The following TEX11 variants were observed in gnomAD, a reference collection of about 807,000 sequenced individuals.
The protein encoded by TEX11 is testis expressed 11.
In TEX11, 7 loss-of-function variants were observed where a neutral mutation model predicts 84.4. That is an observed-to-expected ratio of 0.08 (90% CI 0.05 to 0.16). TEX11 has a LOEUF of 0.16. TEX11 is among the 10% of genes least tolerant of loss of function. The pLI is 1.00. For missense variants in TEX11, 551 were observed against 660.5 expected, an observed-to-expected ratio of 0.83 and a Z score of 1.82; for synonymous variants, 264 against 222.8, an observed-to-expected ratio of 1.18 and a Z score of -1.64.
intron 7 of TEX11, 64 bp downstream of exon 7, chrX:70,852,970 A>T: frequency 9.0e-7 from 1 of 1,108,423 alleles, no homozygotes. Context: ...GCTATATATC[A>T]TCACTTTTAC....
At position 70,804,971 on chromosome X, in the gene TEX11, CTTTT is replaced by C. The variant is rs748863855; in HGVS notation, c.692+1730_692+1733del. 6.3e-3 allele frequency among the ~76,000 whole-genome samples: 428 copies of C among 68,190 alleles called. 2 individuals are homozygous for C. Among genetic ancestry groups the C allele is most frequent in the African/African-American group, 0.028 (407 of 14,608 alleles). The allele number at this position is 68,190 out of a possible 115,157, so 59.2% of individuals were successfully genotyped here. ...AGAAGCCATCCATGGCACCAGCATCCTTTTTTTTTTTTTTTTTTTTTTTGGATCT... is the reference window on the plus strand; with the variant it reads ...AGAAGCCATCCATGGCACCAGCATCCTTTTTTTTTTTTTTTTTTTGGATCT... On this transcript the variant is annotated intron_variant, in intron 9 of 29. Coordinates refer to ENST00000374333, the MANE Select transcript of TEX11 (RefSeq NM_031276.3).
intron 13 of TEX11, among the ~76,000 whole-genome samples, chrX:70,698,157 T>C (rs2090296529): frequency 9.0e-6 from 1 of 111,154 alleles, no homozygotes. Context: ...ACCTCAAGCA[T>C]TTATCATTTC....
chrX:70,776,198 A>C (rs2091001201), intron 9 of TEX11, among the ~76,000 whole-genome samples: 1 of 111,471 alleles, frequency 9.0e-6, no homozygotes, highest in Non-Finnish European at 1.9e-5. Flanking sequence ...TAGAAAAAAT[A>C]TGTAATCAAC....
chrX:70,561,329 T>C (rs931073421), intron 25 of TEX11, among the ~76,000 whole-genome samples: 14 of 107,998 alleles, frequency 1.3e-4, no homozygotes, highest in African/African-American at 4.4e-4. Context: ...CTTGCTAGTA[T>C]ACAGAAATAT....
At chrX:70,516,190 T>C in the TEX11 span, among the ~76,000 whole-genome samples, 1 of 112,182 alleles carries the variant, frequency 8.9e-6, no homozygotes, top group Non-Finnish European at 1.9e-5. Context: ...TCATGAAGTC[T>C]TTGCCCATGC....
intron 8 of TEX11, among the ~76,000 whole-genome samples, chrX:70,825,087 G>T (rs963038497): frequency 1.8e-5 from 2 of 111,028 alleles, no homozygotes; most frequent in Non-Finnish European, 3.8e-5. Flanking sequence ...GCGGAGGCGG[G>T]CAGATCACTT....
intron 8 of TEX11, among the ~76,000 whole-genome samples, chrX:70,827,544 C>A (rs1355931669): frequency 9.0e-6 from 1 of 111,237 alleles, no homozygotes; most frequent in Non-Finnish European, 1.9e-5. Flanking sequence ...CAGCATTCAC[C>A]ACAAGCTGAT....
intron 28 of TEX11, among the ~76,000 whole-genome samples, chrX:70,544,251 C>T (rs2088085730): frequency 8.9e-6 from 1 of 112,082 alleles, no homozygotes; most frequent in African/African-American, 3.2e-5. Flanking sequence ...TGGTGGCTCA[C>T]ACCTGTATTC....
At chrX:70,542,526 G>C (rs2088059337) in intron 28 of TEX11, among the ~76,000 whole-genome samples, 1 of 111,893 alleles carries the variant, frequency 8.9e-6, no homozygotes, top group Non-Finnish European at 1.9e-5. Context: ...TTGACTTTTT[G>C]AATCTTAAAA....
chrX:70,842,555 C>G (rs2091452813), intron 7 of TEX11, among the ~76,000 whole-genome samples: 1 of 111,875 alleles, frequency 8.9e-6, no homozygotes, highest in South Asian at 3.7e-4. Context: ...GGAAGCATTC[C>G]CTTTGAAAAC....
In TEX11 at chrX:70,561,248, A is replaced by C. The variant is rs187849791; in HGVS notation, c.2141-6448T>G. On this transcript the variant is annotated intron_variant, in intron 25 of 29. Coordinates refer to ENST00000374333, the MANE Select transcript of TEX11 (RefSeq NM_031276.3). ...AGAGGTCTTATACATCTTTCATTAT[A>C]GATTACTAGGCATTTGATGGATTTT... 6.4e-5 allele frequency among the ~76,000 whole-genome samples: 7 copies of C among 109,367 alleles called. No homozygotes were observed. In the East Asian group the frequency reaches 1.7e-3, roughly 27 times the overall value. The allele number at this position is 109,367 out of a possible 115,157, so 95.0% of individuals were successfully genotyped here.
chrX:70,708,425 G>A (rs1439397740), intron 13 of TEX11, among the ~76,000 whole-genome samples: 3 of 111,472 alleles, frequency 2.7e-5, no homozygotes, highest in African/African-American at 9.8e-5. Flanking sequence ...GCTACCATTA[G>A]ACCCAGCAAT....
intron 4 of TEX11, among the ~76,000 whole-genome samples, chrX:70,864,158 A>G (rs772773954): frequency 9.0e-6 from 1 of 111,558 alleles, no homozygotes; most frequent in South Asian, 3.9e-4. Context: ...GAAAAACACA[A>G]TTCAGGATAT....
At chrX:70,837,768 A>G (rs1602168326) in intron 7 of TEX11, among the ~76,000 whole-genome samples, 1 of 111,806 alleles carries the variant, frequency 8.9e-6, no homozygotes, top group African/African-American at 3.2e-5. Context: ...GATGATGGGA[A>G]AGGGGTATCC....
At chrX:70,768,681 A>G (rs2090955569) in intron 9 of TEX11, among the ~76,000 whole-genome samples, 1 of 111,367 alleles carries the variant, frequency 9.0e-6, no homozygotes, top group Non-Finnish European at 1.9e-5. Flanking sequence ...CAGCCCCATG[A>G]TCCAATCACC....
intron 25 of TEX11, among the ~76,000 whole-genome samples, chrX:70,564,230 AAAAAAC>A (rs1186124207): frequency 8.9e-6 from 1 of 111,909 alleles, no homozygotes; most frequent in Non-Finnish European, 1.9e-5. Context: ...CTTCATCTCA[AAAAAAC>A]AAAAACAAAA....
chrX:70,881,408 G>GT (rs980617164), intron 2 of TEX11, among the ~76,000 whole-genome samples: 3 of 110,616 alleles, frequency 2.7e-5, no homozygotes, highest in African/African-American at 6.6e-5. Flanking sequence ...CAAAATTGAG[G>GT]TTTTTTTCAA....
chrX:70,890,940 G>A (rs7888597), intron 2 of TEX11, among the ~76,000 whole-genome samples: 43,361 of 111,486 alleles, frequency 0.39, 6,956 homozygotes, highest in East Asian at 0.58. Context: ...CTAAATGGGA[G>A]ATGCCTCCCA....
intron 20 of TEX11, among the ~76,000 whole-genome samples, chrX:70,615,503 A>C (rs2089308117): frequency 8.9e-6 from 1 of 112,178 alleles, no homozygotes; most frequent in African/African-American, 3.2e-5. Flanking sequence ...AAAAGAAAAA[A>C]GAATTTAAAA....
Sources: gnomAD v4.1 joint callset for allele counts (sites outside exome capture counted in the v4.1 genomes callset) on GRCh38, gnomAD v4.1.1 for gene constraint, MANE v1.5 for transcripts, NCBI Gene and HGNC (gene_info 2026-07-23, HGNC 2026-07-21) for gene names.